The following CHD2 variants were observed in gnomAD, a reference collection of about 807,000 sequenced individuals.
CHD2 encodes the protein ATP-dependent chromatin remodeler CHD2.
A neutral mutation model predicts 243.9 loss-of-function variants in CHD2; 28 were observed. That is an observed-to-expected ratio of 0.11 (90% CI 0.09 to 0.16). CHD2 has a LOEUF of 0.16. Among genes scored for constraint, CHD2 ranks in the 10% least tolerant of loss-of-function variants. The pLI is 1.00. For missense variants in CHD2, 1,386 were observed against 2,209.8 expected, an observed-to-expected ratio of 0.63 and a Z score of 7.47; for synonymous variants, 775 against 779.0, an observed-to-expected ratio of 0.99 and a Z score of 0.09.
rs571726536 is a variant in CHD2, at chr15:92,904,510, T to C, written c.62+3211T>C. On this transcript the variant is annotated intron_variant, in intron 2 of 38. Coordinates refer to ENST00000394196, the MANE Select transcript of CHD2 (RefSeq NM_001271.4). ...GCCGAGGGGAAAAGGAAGGGAACTC[T>C]AGTTGGGACTTTCCGGTGGGCGGCT... The C allele has an allele frequency of 2.7e-5, 27 of 993,288 alleles. No homozygotes were observed. In the African/African-American group the frequency reaches 3.3e-4, roughly 12 times the overall value. 61.5% of individuals were successfully genotyped at this position (993,288 alleles called of 1,614,324 possible).
rs202174434 is a variant in CHD2 at position 93,002,322 on chromosome 15, T to C, written c.4278+5T>C. Reference sequence around the variant, plus strand: ...TCAAAAGATAAGAAAGAGAAGGTAATGATGCCCTTCTGTTCATGCAGATAT... The same window carrying C: ...TCAAAAGATAAGAAAGAGAAGGTAACGATGCCCTTCTGTTCATGCAGATAT... On this transcript the variant is annotated splice_donor_5th_base_variant and intron_variant, in intron 33 of 38. Transcript: ENST00000394196. 3.1e-4 allele frequency: 498 copies of C among 1,591,274 alleles called. No homozygotes were observed. The highest frequency in any genetic ancestry group is 3.7e-4 in the Non-Finnish European group (432 of 1,174,330).
chr15:93,000,370 G>A, intron 31 of CHD2, 142 bp from the exon 32 acceptor site: 1 of 825,894 alleles, frequency 1.2e-6, no homozygotes, highest in Non-Finnish European at 1.8e-6. Context: ...GAGGTAAAAT[G>A]AGTTGCACTC....
chr15:92,908,036 C>T (rs1450229425), intron 2 of CHD2, among the ~76,000 whole-genome samples: 1 of 133,824 alleles, frequency 7.5e-6, no homozygotes, highest in African/African-American at 2.8e-5. Context: ...TTGAGAAGAG[C>T]CAGCCTTTTG....
intron 35 of CHD2, among the ~76,000 whole-genome samples, chr15:93,010,783 A>G (rs911792500): frequency 1.3e-5 from 2 of 152,176 alleles, no homozygotes; most frequent in Non-Finnish European, 2.9e-5. Context: ...AATCACAGTT[A>G]CTTCGTTTTT....
At chr15:92,989,117 C>T (rs1258011958) in intron 26 of CHD2, among the ~76,000 whole-genome samples, 1 of 150,698 alleles carries the variant, frequency 6.6e-6, no homozygotes, top group South Asian at 2.1e-4. Context: ...CTGCAACCTC[C>T]GCCTCCTGGG....
chr15:92,917,717 G>GT (rs1236827167), intron 2 of CHD2, among the ~76,000 whole-genome samples: 1 of 152,240 alleles, frequency 6.6e-6, no homozygotes, highest in Non-Finnish European at 1.5e-5. Context: ...AATAAGGGCA[G>GT]TGATACCTAA....
At position 92,985,646 on chromosome 15, in the gene CHD2, A is replaced by G. The variant is rs927604763; in HGVS notation, c.3386A>G (p.Glu1129Gly). Reference sequence around the variant, plus strand: ...AGGAGTGTGCGGAAGGACCTCGTGGAGGGATTTACTGATGCAGAGATCCGA... The same window carrying G: ...AGGAGTGTGCGGAAGGACCTCGTGGGGGGATTTACTGATGCAGAGATCCGA... ...RPRSVRKDLV[E>G]GFTDAEIRRF... The change falls in exon 26 of 39, where the codon GAG becomes GGG. Residue 1129 changes from glutamate to glycine, a missense_variant. Physicochemically the swap from Glu to Gly is moderately conservative, Grantham distance 98. This residue lies in a region of CHD2 where 18 missense variants were observed against 20.6 expected (regional missense o/e 0.88). Coordinates refer to ENST00000394196, the MANE Select transcript of CHD2 (RefSeq NM_001271.4). 13 of 1,612,802 alleles carry G rather than the reference A, an allele frequency of 8.1e-6. No homozygotes were observed. The highest frequency in any genetic ancestry group is 2.7e-5 in the African/African-American group (2 of 74,924).
At chr15:92,947,046 TC>T (rs1596400209) in intron 12 of CHD2, 1 of 152,234 alleles carries the variant, frequency 6.6e-6, no homozygotes, top group African/African-American at 2.4e-5. Flanking sequence ...ATAAATCCTT[TC>T]CTTGGAATTT....
At chr15:92,943,190 A>C in intron 9 of CHD2, 122 bp downstream of exon 9, 1 of 708,154 alleles carries the variant, frequency 1.4e-6, no homozygotes, top group Non-Finnish European at 2.3e-6. Flanking sequence ...TCATCTAAAC[A>C]TGGAGCCATT....
chr15:92,948,652 T>A (rs2053508925), intron 12 of CHD2, among the ~76,000 whole-genome samples: 1 of 151,994 alleles, frequency 6.6e-6, no homozygotes, highest in Non-Finnish European at 1.5e-5. Context: ...GCTAGCATGG[T>A]GAAACCCCAT....
intron 12 of CHD2, among the ~76,000 whole-genome samples, chr15:92,948,414 A>C (rs1387107294): frequency 6.6e-6 from 1 of 152,182 alleles, no homozygotes; most frequent in Non-Finnish European, 1.5e-5. Flanking sequence ...ATGTTCATAG[A>C]TTTATTTCAG....
At chr15:92,984,212 A>G in intron 24 of CHD2, 118 bp from the exon 25 acceptor site, 2 of 718,442 alleles carry the variant, frequency 2.8e-6, no homozygotes, top group Non-Finnish European at 4.0e-6. Flanking sequence ...TGATTATGTA[A>G]TATCACAAAA....
intron 2 of CHD2, among the ~76,000 whole-genome samples, chr15:92,907,186 G>C (rs1456639615): frequency 3.3e-5 from 5 of 152,202 alleles, no homozygotes; most frequent in African/African-American, 9.7e-5. Flanking sequence ...TTTGAGCCCT[G>C]ATTATGAAGT....
At position 92,980,328 on chromosome 15, in the gene CHD2, T is replaced by C. The variant is rs906449859; in HGVS notation, c.2877-487T>C. Among the ~76,000 whole-genome samples, 67 of 151,540 alleles carry C rather than the reference T, an allele frequency of 4.4e-4. 1 individual carries two copies. The highest frequency in any genetic ancestry group is 1.6e-3 in the African/African-American group (66 of 41,248). On this transcript the variant is annotated intron_variant, in intron 22 of 38. Coordinates refer to ENST00000394196, the MANE Select transcript of CHD2 (RefSeq NM_001271.4). ...GGCCCACCTCAGCCCCTCAAAGTGC[T>C]GGGATTATAGGTGTGAGCCATTGTG...
chr15:92,927,365 A>C (rs766185639), intron 4 of CHD2, 35 bp downstream of exon 4: 1 of 1,440,204 alleles, frequency 6.9e-7, no homozygotes. Context: ...ATGCATTTAA[A>C]CTCCCTATCT....
intron 5 of CHD2, among the ~76,000 whole-genome samples, chr15:92,934,165 CATT>C (rs1362255805): frequency 6.6e-6 from 1 of 152,160 alleles, no homozygotes; most frequent in Non-Finnish European, 1.5e-5. Flanking sequence ...AGTTCTGGCT[CATT>C]ATATTTAAAA....
In CHD2 at chr15:92,998,360, T is replaced by A; in HGVS notation, c.3886-139T>A. The A allele has an allele frequency of 7.1e-7, 1 of 1,410,790 alleles. No homozygotes were observed. Among genetic ancestry groups the A allele is most frequent in the Non-Finnish European group, 9.5e-7 (1 of 1,050,698 alleles). The allele number at this position is 1,410,790 out of a possible 1,614,324, so 87.4% of individuals were successfully genotyped here. ...GTGACTGGGAGCCATGGACATGAGATAGGATCTGAGGCTTTATCTATATTT... is the reference window on the plus strand; with the variant it reads ...GTGACTGGGAGCCATGGACATGAGAAAGGATCTGAGGCTTTATCTATATTT... On this transcript the variant is annotated intron_variant, in intron 30 of 38. Coordinates refer to ENST00000394196, the MANE Select transcript of CHD2 (RefSeq NM_001271.4). This position sits in a 1 kb window ranked among gnomAD's most constrained non-coding sequence, Gnocchi z 5.1.
chr15:92,990,039 T>C (rs2054096543), intron 26 of CHD2, among the ~76,000 whole-genome samples: 1 of 152,234 alleles, frequency 6.6e-6, no homozygotes, highest in Non-Finnish European at 1.5e-5. Context: ...CAGGCCGTCA[T>C]GGTGTTAAAT....
At chr15:92,989,084 T>G (rs1292186205) in intron 26 of CHD2, among the ~76,000 whole-genome samples, 1 of 141,212 alleles carries the variant, frequency 7.1e-6, no homozygotes, top group African/African-American at 2.7e-5. Flanking sequence ...CAGGCTGGAG[T>G]GCAATGGCGC....
Sources: gnomAD v4.1 joint callset for allele counts (sites outside exome capture counted in the v4.1 genomes callset) on GRCh38, gnomAD v4.1.1 for gene constraint, gnomAD v4.1.1 regional missense constraint, Gnocchi (gnomAD v3.1) non-coding constraint, MANE v1.5 for transcripts, NCBI Gene and HGNC (gene_info 2026-07-23, HGNC 2026-07-21) for gene names.